CYP20A1: variants seen among roughly 807,000 people sequenced by gnomAD.
The protein encoded by CYP20A1 is cytochrome P450 family 20 subfamily A member 1.
A neutral mutation model predicts 61.4 loss-of-function variants in CYP20A1; 61 were observed. The ratio of observed to expected loss-of-function variants is 0.99; its 90% CI spans 0.81 to 1.23. The LOEUF (loss-of-function observed/expected upper bound fraction) is 1.23. Ranked by LOEUF, CYP20A1 falls within the 50% of genes most tolerant of loss-of-function variation. The probability of loss-of-function intolerance (pLI) is 0.00; values close to 1 mark genes in which losing one functional copy is unlikely to be tolerated. For missense variants in CYP20A1, 530 were observed against 542.4 expected (o/e 0.98, Z 0.23); for synonymous variants, 193 against 188.2 (o/e 1.03, Z -0.21).
At position 203,300,023 on chromosome 2, in the gene CYP20A1, C is replaced by T. The variant is rs1381274055; in HGVS notation, c.*3115C>T. On this transcript the variant is annotated 3_prime_UTR_variant, in exon 13 of 13. Transcript: ENST00000356079. The stretch of plus-strand genomic sequence containing the variant: ...ACTGGCGGTAGAAGGTTAGAGTAGC[C>T]AATTGATATGTAAACCAAGTGTCAG... Among the ~76,000 whole-genome samples the T allele has an allele frequency of 6.6e-6, 1 of 152,078 alleles. No homozygotes were observed. The highest frequency in any genetic ancestry group is 1.5e-5 in the Non-Finnish European group (1 of 68,022).
chr2:203,239,233 G>T, intron 1 of CYP20A1, 99 bp downstream of exon 1: 1 of 1,031,678 alleles, frequency 9.7e-7, no homozygotes, highest in Non-Finnish European at 1.5e-6. Context: ...GCAGGGGGCG[G>T]GCCTGAGAGG....
chr2:203,296,977 G>T lies in CYP20A1; in HGVS notation c.*69G>T. ...CAACCATTTAAAAAAAATCTATGTT[G>T]AATCCTTTTATAAACCAGTATCACT... On this transcript the variant is annotated 3_prime_UTR_variant, in exon 13 of 13. Coordinates refer to ENST00000356079, the MANE Select transcript of CYP20A1 (RefSeq NM_177538.3). 1 of 914,178 alleles carries T rather than the reference G, an allele frequency of 1.1e-6. No individual in the cohort carries two copies. Among genetic ancestry groups the T allele is most frequent in the Non-Finnish European group, 1.6e-6 (1 of 617,552 alleles). 56.6% of individuals were successfully genotyped at this position (914,178 alleles called of 1,614,324 possible).
chr2:203,239,247 G>C (rs540969959), intron 1 of CYP20A1, 113 bp downstream of exon 1: 2 of 889,556 alleles, frequency 2.2e-6, no homozygotes, highest in Non-Finnish European at 3.6e-6. Flanking sequence ...TGAGAGGAGG[G>C]TTCGGGTTCG....
At chr2:203,280,182 C>T (rs1372613231) in intron 8 of CYP20A1, 69 bp downstream of exon 8, 4 of 1,248,896 alleles carry the variant, frequency 3.2e-6, no homozygotes, top group Non-Finnish European at 4.4e-6. Context: ...TGGCTCACAC[C>T]TGTAATCCCA....
chr2:203,248,851 A>G (rs2066556972), intron 3 of CYP20A1, among the ~76,000 whole-genome samples: 2 of 152,098 alleles, frequency 1.3e-5, no homozygotes, highest in African/African-American at 4.8e-5. Context: ...GTGAGACTAT[A>G]GGCATGCACC....
intron 4 of CYP20A1, among the ~76,000 whole-genome samples, chr2:203,252,794 C>T (rs757487481): frequency 3.3e-5 from 5 of 152,112 alleles, no homozygotes; most frequent in Non-Finnish European, 5.9e-5. Flanking sequence ...CACACTTTCT[C>T]GGAGCACACA....
At chr2:203,281,367 C>T (rs2068034348) in intron 8 of CYP20A1, among the ~76,000 whole-genome samples, 1 of 151,972 alleles carries the variant, frequency 6.6e-6, no homozygotes, top group Admixed American at 6.6e-5. Flanking sequence ...ATTAGCCAGG[C>T]CTGGTGGCAC....
Position 203,280,055 on chromosome 2 carries a change from C to T in CYP20A1, c.796-4C>T. On this transcript the variant is annotated splice_polypyrimidine_tract_variant and splice_region_variant and intron_variant, in intron 7 of 12. Coordinates refer to ENST00000356079, the MANE Select transcript of CYP20A1 (RefSeq NM_177538.3). The stretch of plus-strand genomic sequence containing the variant: ...CACTTTCTAAACTTAGTTTTGTTTC[C>T]TAGATCCTAGAAGACAGTATGATAT... 1.2e-6 allele frequency: 2 copies of T among 1,600,320 alleles called. No homozygotes were observed. Among genetic ancestry groups the T allele is most frequent in the Non-Finnish European group, 1.7e-6 (2 of 1,173,658 alleles).
chr2:203,299,977 A>G lies in CYP20A1; in HGVS notation c.*3069A>G, dbSNP rs535513486. Among the ~76,000 whole-genome samples, 3 of 152,340 alleles carry G rather than the reference A, an allele frequency of 2.0e-5. No homozygotes were observed. The South Asian group carries it at 6.2e-4, about 32-fold the overall frequency. ...ATAGAGCATCTTCCTTTGTTACCCAAGTACCTCGAATGGGTTGGAAACTGG... is the reference window on the plus strand; with the variant it reads ...ATAGAGCATCTTCCTTTGTTACCCAGGTACCTCGAATGGGTTGGAAACTGG... On this transcript the variant is annotated 3_prime_UTR_variant, in exon 13 of 13. Coordinates refer to ENST00000356079, the MANE Select transcript of CYP20A1 (RefSeq NM_177538.3).
At chr2:203,264,192 G>A (rs1317527208) in intron 4 of CYP20A1, among the ~76,000 whole-genome samples, 3 of 151,822 alleles carry the variant, frequency 2.0e-5, no homozygotes, top group African/African-American at 7.3e-5. Flanking sequence ...TCACTGTGTT[G>A]CCCAGGTTTG....
intron 5 of CYP20A1, among the ~76,000 whole-genome samples, chr2:203,271,248 C>T (rs1008147106): frequency 1.5e-4 from 23 of 150,276 alleles, no homozygotes; most frequent in African/African-American, 2.0e-4. Flanking sequence ...CCACCACGCC[C>T]GGCTAATTTT....
rs1312039180 is a variant in CYP20A1, at chr2:203,302,021, G to A, written c.*5113G>A. Among the ~76,000 whole-genome samples, 4 of 150,818 alleles carry A rather than the reference G, an allele frequency of 2.7e-5. No individual in the cohort carries two copies. Among genetic ancestry groups the A allele is most frequent in the African/African-American group, 9.7e-5 (4 of 41,042 alleles). On this transcript the variant is annotated 3_prime_UTR_variant, in exon 13 of 13. Coordinates refer to ENST00000356079, the MANE Select transcript of CYP20A1 (RefSeq NM_177538.3). Reference sequence around the variant, plus strand: ...GCTCACTGCAACCTCTGCTTCCCAGGTTCAAGTGATCCTCCCGCCTCAGCC... The same window carrying A: ...GCTCACTGCAACCTCTGCTTCCCAGATTCAAGTGATCCTCCCGCCTCAGCC...
At chr2:203,282,333 C>T (rs2068077292) in intron 8 of CYP20A1, among the ~76,000 whole-genome samples, 1 of 151,962 alleles carries the variant, frequency 6.6e-6, no homozygotes, top group East Asian at 1.9e-4. Flanking sequence ...CCTTATTCAA[C>T]CTTTTTTTAA....
Position 203,304,888 on chromosome 2 carries a change from A to G in CYP20A1, c.*7980A>G, listed in dbSNP as rs2069159146. ...GAGGTAGAGGTTGCAGTGAGCCATG[A>G]TCATGCCACTGCACTCCAGCCTAGG... On this transcript the variant is annotated 3_prime_UTR_variant, in exon 13 of 13. Coordinates refer to ENST00000356079, the MANE Select transcript of CYP20A1 (RefSeq NM_177538.3). Among the ~76,000 whole-genome samples, 1 of 152,196 alleles carries G rather than the reference A, an allele frequency of 6.6e-6. No homozygotes were observed. Among genetic ancestry groups the G allele is most frequent in the Non-Finnish European group, 1.5e-5 (1 of 68,030 alleles).
At position 203,272,722 on chromosome 2, in the gene CYP20A1, T is replaced by C. The variant is rs774529311; in HGVS notation, c.653T>C (p.Met218Thr). Residue 218 changes from methionine to threonine, a missense_variant, in exon 6 of 13, where the codon ATG becomes ACG. Physicochemically the swap from Met to Thr is moderately conservative, Grantham distance 81. Coordinates refer to ENST00000356079, the MANE Select transcript of CYP20A1 (RefSeq NM_177538.3). ...CTAGATGGGTCACTTGATAAAAACATGACTCGGAAAAAACAATATGAAGAT... is the reference window on the plus strand; with the variant it reads ...CTAGATGGGTCACTTGATAAAAACACGACTCGGAAAAAACAATATGAAGAT... The part of the protein sequence containing the change: ...GFLDGSLDKN[M>T]TRKKQYEDAL... The C allele has an allele frequency of 6.2e-7, 1 of 1,604,510 alleles. No individual in the cohort carries two copies. The highest frequency in any genetic ancestry group is 1.1e-5 in the South Asian group (1 of 88,332).
At chr2:203,248,291 T>C (rs745726444) in intron 3 of CYP20A1, among the ~76,000 whole-genome samples, 3 of 152,122 alleles carry the variant, frequency 2.0e-5, no homozygotes, top group African/African-American at 7.2e-5. Context: ...CCCAGCACTT[T>C]GGGAGGCCAA....
intron 3 of CYP20A1, among the ~76,000 whole-genome samples, chr2:203,247,585 A>G (rs2066505494): frequency 6.6e-6 from 1 of 152,094 alleles, no homozygotes; most frequent in African/African-American, 2.4e-5. Context: ...TGGGCTGGGC[A>G]TGGTGGCTCA....
At chr2:203,281,464 G>T (rs1396523752) in intron 8 of CYP20A1, among the ~76,000 whole-genome samples, 1 of 152,128 alleles carries the variant, frequency 6.6e-6, no homozygotes, top group African/African-American at 2.4e-5. Context: ...AGCCATGATT[G>T]CACCACTGGA....
chr2:203,289,754 T>G lies in CYP20A1; in HGVS notation c.972-11T>G. ...AAATAAACATCTTCAAAAAAAATTTTTTTAAAACAGATATTGTCAGCATGT... is the reference window on the plus strand; with the variant it reads ...AAATAAACATCTTCAAAAAAAATTTGTTTAAAACAGATATTGTCAGCATGT... On this transcript the variant is annotated splice_polypyrimidine_tract_variant and intron_variant, in intron 9 of 12. Coordinates refer to ENST00000356079, the MANE Select transcript of CYP20A1 (RefSeq NM_177538.3). The G allele has an allele frequency of 6.5e-7, 1 of 1,527,494 alleles. No individual in the cohort carries two copies. Among genetic ancestry groups the G allele is most frequent in the Non-Finnish European group, 8.8e-7 (1 of 1,134,810 alleles). 94.6% of individuals were successfully genotyped at this position (1,527,494 alleles called of 1,614,324 possible).
Sources: gnomAD v4.1 joint callset for allele counts (sites outside exome capture counted in the v4.1 genomes callset) on GRCh38, gnomAD v4.1.1 for gene constraint, MANE v1.5 for transcripts, NCBI Gene and HGNC (gene_info 2026-07-23, HGNC 2026-07-21) for gene names.